The following GANC variants were observed in gnomAD, a reference collection of about 807,000 sequenced individuals.
The protein encoded by GANC is neutral alpha-glucosidase C.
Under a neutral mutation model 124.2 loss-of-function variants are expected in GANC, and 117 were observed. That is an observed-to-expected ratio of 0.94 (90% CI 0.81 to 1.10). GANC has a LOEUF of 1.10. Among genes scored for constraint, GANC ranks in the 50% least tolerant of loss-of-function variants. The pLI is 0.00. For missense variants in GANC, 1,140 were observed against 1,095.0 expected (o/e 1.04, Z -0.58); for synonymous variants, 377 against 376.8 (o/e 1.00, Z -0.01).
intron 23 of GANC, 76 bp downstream of exon 23, chr15:42,351,508 C>G: frequency 9.8e-7 from 1 of 1,023,480 alleles, no homozygotes; most frequent in Non-Finnish European, 1.5e-6. Context: ...GATTAGTCCC[C>G]AAACGGAGAT....
intron 15 of GANC, among the ~76,000 whole-genome samples, chr15:42,333,581 G>A (rs1168675595): frequency 1.3e-5 from 2 of 152,188 alleles, no homozygotes; most frequent in African/African-American, 4.8e-5. Flanking sequence ...CAGAGTGCCT[G>A]GGCTCAAATC....
chr15:42,338,572 C>A, intron 16 of GANC, 82 bp downstream of exon 16: 2 of 964,814 alleles, frequency 2.1e-6, no homozygotes, highest in South Asian at 1.3e-5. Flanking sequence ...CAAATCCCTT[C>A]TCATTAGCTG....
intron 3 of GANC, chr15:42,283,718 C>T (rs2051757439): frequency 1.4e-6 from 1 of 702,450 alleles, no homozygotes; most frequent in African/African-American, 1.7e-5. Flanking sequence ...TTCATCTAAG[C>T]CTAATGAAAA....
intron 3 of GANC, among the ~76,000 whole-genome samples, chr15:42,283,257 T>G (rs552494933): frequency 1.3e-5 from 2 of 152,322 alleles, no homozygotes; most frequent in East Asian, 3.9e-4. Flanking sequence ...AGGGTCCTAA[T>G]ATAGTGTTGT....
At chr15:42,291,430 T>C (rs1475181787) in intron 4 of GANC, among the ~76,000 whole-genome samples, 1 of 152,092 alleles carries the variant, frequency 6.6e-6, no homozygotes. Context: ...TCCACAGACT[T>C]AGAGAGATAA....
At chr15:42,348,002 A>T in intron 20 of GANC, 101 bp from the exon 21 acceptor site, 1 of 659,844 alleles carries the variant, frequency 1.5e-6, no homozygotes, top group Non-Finnish European at 2.4e-6. Flanking sequence ...ACAAATCCGT[A>T]CTTGTAGACT....
chr15:42,290,266 G>T (rs2051828749), intron 4 of GANC, among the ~76,000 whole-genome samples: 1 of 152,214 alleles, frequency 6.6e-6, no homozygotes, highest in African/African-American at 2.4e-5. Flanking sequence ...CTCTGAGGTG[G>T]CTTGGCTGCT....
intron 4 of GANC, among the ~76,000 whole-genome samples, chr15:42,288,206 C>A (rs2051809889): frequency 6.6e-6 from 1 of 152,130 alleles, no homozygotes; most frequent in African/African-American, 2.4e-5. Context: ...CTCCGGAGAT[C>A]TAATACGCTA....
At chr15:42,313,833 C>T (rs1365456225) in intron 10 of GANC, 2 of 538,752 alleles carry the variant, frequency 3.7e-6, no homozygotes, top group Non-Finnish European at 6.6e-6. Flanking sequence ...TTTGGGAAGC[C>T]TCCAAAGTGC....
intron 19 of GANC, chr15:42,344,801 C>T (rs898671067): frequency 1.3e-5 from 2 of 152,202 alleles, no homozygotes; most frequent in Non-Finnish European, 2.9e-5. Flanking sequence ...CTGAGAATTT[C>T]TCAAGTTGAT....
At chr15:42,276,985 A>G (rs1421589678) in intron 2 of GANC, among the ~76,000 whole-genome samples, 1 of 152,112 alleles carries the variant, frequency 6.6e-6, no homozygotes, top group African/African-American at 2.4e-5. Flanking sequence ...GGGTAGATAT[A>G]CTATTAATAT....
chr15:42,286,010 G>GT (rs879779789), intron 3 of GANC, among the ~76,000 whole-genome samples: 2,882 of 144,146 alleles, frequency 0.02, 52 homozygotes, highest in African/African-American at 0.054. Context: ...ACAAAAATTA[G>GT]TTTTTTTTTT....
chr15:42,331,807 TTC>T (rs1452585906), intron 15 of GANC, among the ~76,000 whole-genome samples: 2 of 152,230 alleles, frequency 1.3e-5, no homozygotes, highest in Non-Finnish European at 2.9e-5. Context: ...AAAATTTTTT[TTC>T]TTTTTTTAAT....
At chr15:42,285,950 C>G (rs1026889405) in intron 3 of GANC, among the ~76,000 whole-genome samples, 11 of 152,074 alleles carry the variant, frequency 7.2e-5, no homozygotes, top group Non-Finnish European at 1.6e-4. Flanking sequence ...TCTTTTCCCC[C>G]CTGGGCTGCA....
intron 11 of GANC, among the ~76,000 whole-genome samples, chr15:42,325,156 C>A (rs1016278730): frequency 6.6e-6 from 1 of 151,740 alleles, no homozygotes; most frequent in Non-Finnish European, 1.5e-5. Context: ...ACCTGTAATC[C>A]CAGCTACTTG....
chr15:42,347,990 C>A, intron 20 of GANC, 113 bp from the exon 21 acceptor site: 1 of 603,430 alleles, frequency 1.7e-6, no homozygotes, highest in Non-Finnish European at 2.7e-6. Context: ...TTTATTTTGC[C>A]TACAAATCCG....
At chr15:42,328,708 C>T (rs575243949) in intron 13 of GANC, among the ~76,000 whole-genome samples, 23 of 152,248 alleles carry the variant, frequency 1.5e-4, no homozygotes, top group South Asian at 4.1e-4. Flanking sequence ...TTCAGTCAAA[C>T]GCCAAAAGAT....
intron 1 of GANC, among the ~76,000 whole-genome samples, chr15:42,275,405 C>T (rs2051658343): frequency 1.3e-5 from 2 of 152,266 alleles, no homozygotes; most frequent in African/African-American, 4.8e-5. Context: ...TTAAAATAAA[C>T]GGACAAAGAC....
rs774838868 is a variant in GANC at position 42,310,678 on chromosome 15, C to T, written c.904-15C>T. The T allele has an allele frequency of 1.9e-6, 3 of 1,597,176 alleles. No individual in the cohort carries two copies. ...GAGGGAAATTTCTCAAATTTTTATT[C>T]CATTCTTTTTCCAGTACACACTGAC... On this transcript the variant is annotated splice_polypyrimidine_tract_variant and intron_variant, in intron 9 of 23. Transcript: ENST00000318010.
Sources: allele counts gnomAD v4.1 joint callset (sites outside exome capture counted in the v4.1 genomes callset), GRCh38; gene constraint gnomAD v4.1.1; transcripts MANE v1.5; gene names NCBI Gene and HGNC (gene_info 2026-07-23, HGNC 2026-07-21).